The following CEP162 variants were observed in gnomAD, a reference collection of about 807,000 sequenced individuals.
CEP162 encodes centrosomal protein of 162 kDa.
In CEP162, 141 loss-of-function variants were observed where a neutral mutation model predicts 169.2. The ratio of observed to expected loss-of-function variants is 0.83; its 90% CI spans 0.73 to 0.96. The LOEUF (loss-of-function observed/expected upper bound fraction) is 0.96. Ranked by LOEUF, CEP162 falls within the 40% of genes least tolerant of loss-of-function variation. The pLI is 0.00. For synonymous variants in CEP162, 540 were observed against 526.4 expected (o/e 1.03, Z -0.35); for missense variants, 1,600 against 1,587.2 (o/e 1.01, Z -0.14).
intron 3 of CEP162, 68 bp downstream of exon 3, chr6:84,220,989 A>G: frequency 1.3e-6 from 1 of 789,506 alleles, no homozygotes; most frequent in Admixed American, 2.3e-5. Flanking sequence ...GTGAAGTAAC[A>G]AAATCCAGAA....
intron 25 of CEP162, among the ~76,000 whole-genome samples, chr6:84,134,389 G>T (rs149289755): frequency 5.3e-5 from 8 of 152,144 alleles, no homozygotes; most frequent in African/African-American, 1.9e-4. Flanking sequence ...GCGCCACTGT[G>T]GTATGAAAAA....
intron 25 of CEP162, among the ~76,000 whole-genome samples, chr6:84,135,227 GA>G (rs1395336273): frequency 5.3e-5 from 8 of 152,048 alleles, no homozygotes; most frequent in Non-Finnish European, 1.0e-4. Flanking sequence ...CTCAACTAAG[GA>G]CAGAAATAGC....
rs549274022 is a variant in CEP162, at chr6:84,125,341, A to G, written c.4006-65T>C. 200 of 1,419,488 alleles carry G rather than the reference A, an allele frequency of 1.4e-4. 4 individuals carry two copies. In the South Asian group the frequency reaches 2.3e-3, roughly 16 times the overall value. 87.9% of individuals were successfully genotyped at this position (1,419,488 alleles called of 1,614,324 possible). ...AGTGGTGGGTGAGGAACATTTAACAATCTTAAAGTAGGCAAACCTGGGGTT... is the reference window on the plus strand; with the variant it reads ...AGTGGTGGGTGAGGAACATTTAACAGTCTTAAAGTAGGCAAACCTGGGGTT... On this transcript the variant is annotated intron_variant, in intron 26 of 26. Transcript: ENST00000403245.
chr6:84,184,014 C>T (rs546839134), intron 13 of CEP162, among the ~76,000 whole-genome samples: 1 of 152,126 alleles, frequency 6.6e-6, no homozygotes, highest in Non-Finnish European at 1.5e-5. Flanking sequence ...GCATTCTCTC[C>T]TCACCACATC....
At chr6:84,143,309 G>A (rs2099517455) in intron 25 of CEP162, among the ~76,000 whole-genome samples, 1 of 151,976 alleles carries the variant, frequency 6.6e-6, no homozygotes. Context: ...ATGAAATGAT[G>A]TTAATCTACA....
At chr6:84,170,439 G>A (rs1325235657) in intron 17 of CEP162, among the ~76,000 whole-genome samples, 1 of 143,924 alleles carries the variant, frequency 6.9e-6, no homozygotes, top group Non-Finnish European at 1.5e-5. Context: ...CCACTGTGCA[G>A]ATTATCACAC....
intron 21 of CEP162, 78 bp from the exon 22 acceptor site, chr6:84,155,588 A>G: frequency 1.0e-6 from 1 of 992,658 alleles, no homozygotes; most frequent in Non-Finnish European, 1.5e-6. Flanking sequence ...TACAATCTAC[A>G]GAAATCTCTG....
intron 6 of CEP162, among the ~76,000 whole-genome samples, chr6:84,206,135 C>A (rs955083341): frequency 1.3e-5 from 2 of 149,304 alleles, no homozygotes; most frequent in Non-Finnish European, 2.9e-5. Context: ...GTGAAAATGG[C>A]CATACTGCCC....
At chr6:84,140,687 G>A (rs2099516209) in intron 25 of CEP162, among the ~76,000 whole-genome samples, 1 of 151,962 alleles carries the variant, frequency 6.6e-6, no homozygotes, top group African/African-American at 2.4e-5. Flanking sequence ...TACTGCACAG[G>A]CTAATTTTTG....
At chr6:84,180,732 A>T (rs1314022252) in intron 13 of CEP162, among the ~76,000 whole-genome samples, 4 of 152,028 alleles carry the variant, frequency 2.6e-5, no homozygotes, top group Non-Finnish European at 5.9e-5. Context: ...TCATGAGTGA[A>T]CTCCCATTCA....
intron 3 of CEP162, among the ~76,000 whole-genome samples, chr6:84,220,187 C>T (rs985473831): frequency 2.6e-5 from 4 of 152,006 alleles, no homozygotes; most frequent in African/African-American, 7.3e-5. Context: ...AAACCAAAAG[C>T]CCATATGTAT....
intron 18 of CEP162, among the ~76,000 whole-genome samples, chr6:84,167,657 G>A (rs1267074521): frequency 6.6e-6 from 1 of 152,168 alleles, no homozygotes; most frequent in African/African-American, 2.4e-5. Flanking sequence ...GGTTATCACT[G>A]ACTCAGAACT....
Position 84,194,980 on chromosome 6 carries a change from T to C in CEP162, c.931A>G (p.Ile311Val), listed in dbSNP as rs1279582184. The C allele has an allele frequency of 3.7e-6, 6 of 1,613,422 alleles. No homozygotes were observed. Among genetic ancestry groups the C allele is most frequent in the Non-Finnish European group, 5.1e-6 (6 of 1,179,646 alleles). ...HSLGDEDKQK[I>V]ESNTVEDIKS... Reference sequence around the variant, plus strand: ...ATATCTTCCACTGTGTTACTCTCAATTTTTTGTTTGTCTTCATCTCCCAAT... The same window carrying C: ...ATATCTTCCACTGTGTTACTCTCAACTTTTTGTTTGTCTTCATCTCCCAAT... Residue 311 changes from isoleucine (I) to valine (V), a missense_variant, in exon 10 of 27, where the codon ATT becomes GTT. Physicochemically the swap from Ile to Val is conservative, Grantham distance 29 (BLOSUM62 3). Coordinates refer to ENST00000403245, the MANE Select transcript of CEP162 (RefSeq NM_014895.4).
chr6:84,125,234 TG>T lies in CEP162; in HGVS notation c.4047del (p.Asn1349LysfsTer13). ...AGTCTTTTCCATTTTTCAACTTCTT[TG>T]TTTTGCTCAGTTTCTACTACTTGGT... is the stretch of plus-strand genomic sequence containing the variant. ...QTHQVVETEQ[N>X]KEVEKWKRLA... is the part of the protein sequence containing the mutation. On this transcript the variant is annotated frameshift_variant, in exon 27 of 27. Transcript: ENST00000403245. LOFTEE classifies it high-confidence loss of function. The T allele has an allele frequency of 6.2e-7, 1 of 1,613,582 alleles. No individual in the cohort carries two copies. The highest frequency in any genetic ancestry group is 8.5e-7 in the Non-Finnish European group (1 of 1,179,678).
chr6:84,175,452 G>A (rs918633597), intron 13 of CEP162, 105 bp from the exon 14 acceptor site: 1 of 804,908 alleles, frequency 1.2e-6, no homozygotes, highest in South Asian at 1.9e-5. Context: ...ACAAAAATGA[G>A]GATCTCAGAA....
chr6:84,191,969 G>A (rs1458843133), intron 11 of CEP162, among the ~76,000 whole-genome samples: 2 of 152,132 alleles, frequency 1.3e-5, no homozygotes, highest in South Asian at 2.1e-4. Flanking sequence ...AAGAAAGGAC[G>A]CAAAACCATT....
intron 6 of CEP162, among the ~76,000 whole-genome samples, chr6:84,211,526 CAAAAAAAAAAAAA>C (rs960472453): frequency 2.8e-5 from 1 of 35,570 alleles, no homozygotes; most frequent in Non-Finnish European, 7.0e-5. Flanking sequence ...GATTCTATCT[CAAAAAAAAAAAAA>C]AAAAAAAAAA....
intron 25 of CEP162, among the ~76,000 whole-genome samples, chr6:84,145,952 T>C (rs1451141218): frequency 6.6e-6 from 1 of 152,116 alleles, no homozygotes; most frequent in Non-Finnish European, 1.5e-5. Context: ...ATGCCTCTTA[T>C]TAGATCACCA....
chr6:84,179,522 T>C (rs1180912657), intron 13 of CEP162, among the ~76,000 whole-genome samples: 6 of 152,204 alleles, frequency 3.9e-5, no homozygotes, highest in African/African-American at 7.2e-5. Context: ...TGGGGTTGTT[T>C]TTTTTCTTGT....
Sources: gnomAD v4.1 joint callset for allele counts (sites outside exome capture counted in the v4.1 genomes callset) on GRCh38, gnomAD v4.1.1 for gene constraint, MANE v1.5 for transcripts, NCBI Gene and HGNC (gene_info 2026-07-23, HGNC 2026-07-21) for gene names.